The following ZSCAN20 variants were observed in gnomAD, a reference collection of about 807,000 sequenced individuals.
ZSCAN20 encodes zinc finger and SCAN domain-containing protein 20.
ZSCAN20 carries 39 observed loss-of-function variants against 97.1 expected under a neutral mutation model. The ratio of observed to expected loss-of-function variants is 0.40; its 90% CI spans 0.31 to 0.52. The LOEUF is 0.52. Among genes scored for constraint, ZSCAN20 ranks in the 20% least tolerant of loss-of-function variants. The probability of loss-of-function intolerance (pLI) is 0.49; values close to 1 mark genes in which losing one functional copy is unlikely to be tolerated. For synonymous variants in ZSCAN20, 456 were observed against 467.3 expected (o/e 0.98, Z 0.31); for missense variants, 1,115 against 1,290.4 (o/e 0.86, Z 2.08).
chr1:33,479,908 A>G (rs571831878), intron 2 of ZSCAN20, among the ~76,000 whole-genome samples: 2 of 152,352 alleles, frequency 1.3e-5, no homozygotes, highest in East Asian at 3.9e-4. Context: ...ATTTAATGAG[A>G]TAGGTGCTAT....
rs563577998 is a variant in ZSCAN20, at chr1:33,483,423, A to G, written c.417+3718A>G. On this transcript the variant is annotated intron_variant, in intron 2 of 7. Transcript: ENST00000684572. ...TTGATCGCTTTATTCTTTTGCCAAT[A>G]CCACACTGTCTTGATTACTATAGTT... is the stretch of plus-strand genomic sequence containing the variant. Among the ~76,000 whole-genome samples, 10 of 152,262 alleles carry G rather than the reference A, an allele frequency of 6.6e-5. No homozygotes were observed. In the South Asian group the frequency reaches 2.1e-3, roughly 32 times the overall value.
intron 2 of ZSCAN20, among the ~76,000 whole-genome samples, chr1:33,480,315 C>T (rs1652104596): frequency 1.3e-5 from 2 of 152,090 alleles, no homozygotes; most frequent in Admixed American, 6.6e-5. Flanking sequence ...TCAAGACCAG[C>T]CTGGGCAACA....
chr1:33,489,187 C>T lies in ZSCAN20; in HGVS notation c.677C>T (p.Ser226Phe). 1 of 1,613,514 alleles carries T rather than the reference C, an allele frequency of 6.2e-7. No individual in the cohort carries two copies. The highest frequency in any genetic ancestry group is 8.5e-7 in the Non-Finnish European group (1 of 1,179,640). ...GGAGATTGGGAGGTGACAGCTGAGT[C>T]CCAGGTAAGCTGTTACTCGTTCTTC... ...SVGDWEVTAE[S>F]QEALGPGKHA... The change falls in exon 4 of 8, where the codon TCC becomes TTC. Residue 226 changes from serine to phenylalanine, a missense_variant. This residue lies in a region of ZSCAN20 where 508 missense variants were observed against 611.2 expected (regional missense o/e 0.83). Transcript: ENST00000684572.
intron 2 of ZSCAN20, among the ~76,000 whole-genome samples, chr1:33,487,857 G>T (rs750968709): frequency 2.7e-4 from 41 of 152,086 alleles, no homozygotes; most frequent in South Asian, 1.0e-3. Context: ...CTGCTATGTT[G>T]CCCAGGCTGG....
At chr1:33,490,575 T>C (rs1224953057) in intron 5 of ZSCAN20, among the ~76,000 whole-genome samples, 3 of 151,992 alleles carry the variant, frequency 2.0e-5, no homozygotes, top group African/African-American at 7.3e-5. Context: ...TAAAGCTGTT[T>C]TGTTTCATGG....
chr1:33,485,028 A>T (rs1652304336), intron 2 of ZSCAN20, among the ~76,000 whole-genome samples: 2 of 152,230 alleles, frequency 1.3e-5, no homozygotes, highest in Admixed American at 6.5e-5. Context: ...TAGACTAAAT[A>T]AGGAAATATT....
chr1:33,486,894 T>C (rs1219353775), intron 2 of ZSCAN20, among the ~76,000 whole-genome samples: 1 of 152,158 alleles, frequency 6.6e-6, no homozygotes, highest in East Asian at 1.9e-4. Context: ...ATATGTCTTC[T>C]CAATGGTAAA....
chr1:33,485,352 G>A (rs1471938862), intron 2 of ZSCAN20, among the ~76,000 whole-genome samples: 1 of 151,928 alleles, frequency 6.6e-6, no homozygotes, highest in Non-Finnish European at 1.5e-5. Context: ...AGTGTCTATG[G>A]GATCTGTAGT....
At chr1:33,482,527 G>A (rs1332222178) in intron 2 of ZSCAN20, among the ~76,000 whole-genome samples, 2 of 152,212 alleles carry the variant, frequency 1.3e-5, no homozygotes, top group Admixed American at 1.3e-4. Flanking sequence ...TGAAGCTGCT[G>A]TAAATATTCA....
intron 1 of ZSCAN20, among the ~76,000 whole-genome samples, chr1:33,476,621 G>A (rs530724789): frequency 6.6e-6 from 1 of 152,320 alleles, no homozygotes; most frequent in African/African-American, 2.4e-5. Context: ...TCCAAACAGG[G>A]TATAGCTGGT....
chr1:33,480,306 C>G (rs922856962), intron 2 of ZSCAN20, among the ~76,000 whole-genome samples: 11 of 152,104 alleles, frequency 7.2e-5, no homozygotes, highest in African/African-American at 2.7e-4. Flanking sequence ...CTCAGGAGTT[C>G]AAGACCAGCC....
chr1:33,493,820 C>T lies in ZSCAN20; in HGVS notation c.1873+205C>T, dbSNP rs568549509. On this transcript the variant is annotated intron_variant, in intron 7 of 7. Coordinates refer to ENST00000684572, the MANE Select transcript of ZSCAN20 (RefSeq NM_001377376.1). The surrounding 1 kb of genome is among the most constrained non-coding windows in gnomAD (Gnocchi z 4.3). ...AGTCAGTCAGTCATTCTATCTTTTA[C>T]TAGGTATATCTGGGCGGTTAGAGAC... 3.9e-5 allele frequency among the ~76,000 whole-genome samples: 6 copies of T among 152,340 alleles called. No homozygotes were observed. The East Asian group carries it at 1.2e-3, about 29-fold the overall frequency.
chr1:33,492,072 G>A (rs1436387952), intron 6 of ZSCAN20: 1 of 168,624 alleles, frequency 5.9e-6, no homozygotes, highest in Non-Finnish European at 1.3e-5. Flanking sequence ...TGATTTCACA[G>A]ATAACAAAGT....
At chr1:33,490,946 T>C in intron 5 of ZSCAN20, 79 bp from the exon 6 acceptor site, 1 of 1,360,266 alleles carries the variant, frequency 7.4e-7, no homozygotes, top group African/African-American at 1.5e-5. Flanking sequence ...AAGGAAAAGA[T>C]AGAAGTTTCA....
At chr1:33,473,885 T>G (rs1294473228) in intron 1 of ZSCAN20, among the ~76,000 whole-genome samples, 3 of 152,328 alleles carry the variant, frequency 2.0e-5, no homozygotes, top group African/African-American at 7.2e-5. Flanking sequence ...CAGTAAACAC[T>G]TGATGTAAAG....
At position 33,479,546 on chromosome 1, in the gene ZSCAN20, C is replaced by A. The variant is rs1212556948; in HGVS notation, c.258C>A (p.Leu86=). The change falls in exon 2 of 8, where the codon CTC becomes CTA. Residue 86 remains leucine (L), a synonymous_variant. Transcript: ENST00000684572. The stretch of plus-strand genomic sequence containing the variant: ...GTTGGCTGAGGCCGGAGATCCGTCT[C>A]AAAGAGCAGATCCTGGAGCTGCTCG... ...CCRWLRPEIR[L]KEQILELLVL... 6.2e-7 allele frequency: 1 copy of A among 1,613,748 alleles called. No individual in the cohort carries two copies. The highest frequency in any genetic ancestry group is 1.7e-5 in the Admixed American group (1 of 59,984).
intron 2 of ZSCAN20, among the ~76,000 whole-genome samples, chr1:33,482,434 G>T (rs142069259): frequency 1.3e-5 from 2 of 152,070 alleles, no homozygotes; most frequent in African/African-American, 4.8e-5. Flanking sequence ...ACAATATTCC[G>T]TTGTGTGGAT....
chr1:33,480,606 A>G (rs1056065982), intron 2 of ZSCAN20, among the ~76,000 whole-genome samples: 1 of 152,170 alleles, frequency 6.6e-6, no homozygotes, highest in Admixed American at 6.5e-5. Flanking sequence ...CATCTAATCA[A>G]CCCAGCAATC....
In ZSCAN20 at chr1:33,501,434, G is replaced by T. The variant is rs1371540519; in HGVS notation, c.*5958G>T. 6.6e-6 allele frequency among the ~76,000 whole-genome samples: 1 copy of T among 152,050 alleles called. No individual in the cohort carries two copies. The highest frequency in any genetic ancestry group is 1.5e-5 in the Non-Finnish European group (1 of 68,018). ...CCATCAGGAGCCTCAGGGATTTAAT[G>T]TCCAATTCTAAAACCTGAACAGGCC... is the stretch of plus-strand genomic sequence containing the variant. On this transcript the variant is annotated 3_prime_UTR_variant, in exon 8 of 8. Transcript: ENST00000684572.
Sources: allele counts gnomAD v4.1 joint callset (sites outside exome capture counted in the v4.1 genomes callset), GRCh38; gene constraint gnomAD v4.1.1; regional missense constraint gnomAD v4.1.1; non-coding constraint Gnocchi (gnomAD v3.1); transcripts MANE v1.5; gene names NCBI Gene and HGNC (gene_info 2026-07-23, HGNC 2026-07-21).